MYPN: variants seen among roughly 807,000 people sequenced by gnomAD.
MYPN encodes sarcomeric protein myopalladin, 145 kDa (MYOP).
In MYPN, 63 loss-of-function variants were observed where a neutral mutation model predicts 129.4. The ratio of observed to expected loss-of-function variants is 0.49; its 90% CI spans 0.40 to 0.60. MYPN has a LOEUF of 0.60. Among genes scored for constraint, MYPN ranks in the 20% least tolerant of loss-of-function variants. MYPN has a pLI of 0.00. For missense variants in MYPN, 1,596 were observed against 1,635.4 expected (o/e 0.98, Z 0.42); for synonymous variants, 629 against 600.9 (o/e 1.05, Z -0.68).
chr10:68,122,199 C>A lies in MYPN; in HGVS notation c.761C>A (p.Ser254Tyr). 1 of 1,609,080 alleles carries A rather than the reference C, an allele frequency of 6.2e-7. No individual in the cohort carries two copies. Among genetic ancestry groups the A allele is most frequent in the Non-Finnish European group, 8.5e-7 (1 of 1,177,392 alleles). The change falls in exon 2 of 20, where the codon TCT becomes TAT. Residue 254 changes from serine (S) to tyrosine (Y), a missense_variant. Coordinates refer to ENST00000358913, the MANE Select transcript of MYPN (RefSeq NM_032578.4). ...GCTGGTGGAGACACTACACCAGGGT[C>A]TTCCCCTTCATCTCTGTACTATGAA... ...EAAGGDTTPG[S>Y]SPSSLYYEEP...
At chr10:68,110,764 T>A (rs1431932452) in intron 1 of MYPN, among the ~76,000 whole-genome samples, 2 of 152,192 alleles carry the variant, frequency 1.3e-5, no homozygotes, top group African/African-American at 4.8e-5. Context: ...ATAAACATAT[T>A]TTTTAAAACA....
intron 12 of MYPN, among the ~76,000 whole-genome samples, chr10:68,185,897 AT>A (rs1249913711): frequency 6.6e-6 from 1 of 152,244 alleles, no homozygotes; most frequent in Non-Finnish European, 1.5e-5. Context: ...TTGTGAGACC[AT>A]TTAATATATT....
intron 2 of MYPN, chr10:68,135,359 C>A: frequency 5.4e-6 from 2 of 372,684 alleles, no homozygotes; most frequent in Non-Finnish European, 7.4e-6. Context: ...AGTTTACTAA[C>A]TCAGTAGCAG....
intron 13 of MYPN, among the ~76,000 whole-genome samples, chr10:68,193,288 AT>A (rs1355960946): frequency 6.6e-6 from 1 of 152,208 alleles, no homozygotes; most frequent in East Asian, 1.9e-4. Context: ...CCCATCAGGA[AT>A]GAGATCATTA....
At chr10:68,171,976 TTTATC>T (rs544503936) in intron 10 of MYPN, among the ~76,000 whole-genome samples, 3 of 152,220 alleles carry the variant, frequency 2.0e-5, no homozygotes, top group Non-Finnish European at 4.4e-5. Context: ...TGTCTGGCAT[TTTATC>T]TTAAGAATTC....
intron 17 of MYPN, among the ~76,000 whole-genome samples, chr10:68,199,904 C>T (rs544908659): frequency 1.3e-5 from 2 of 152,246 alleles, no homozygotes; most frequent in South Asian, 4.2e-4. Context: ...GGCTCTTTGT[C>T]CTCTGTCTAA....
At chr10:68,175,802 T>C (rs2043219031) in intron 12 of MYPN, among the ~76,000 whole-genome samples, 1 of 152,226 alleles carries the variant, frequency 6.6e-6, no homozygotes, top group African/African-American at 2.4e-5. Flanking sequence ...TCACCCAGGC[T>C]GGGGTGCAGT....
At chr10:68,206,081 G>A (rs2043810597) in intron 18 of MYPN, among the ~76,000 whole-genome samples, 1 of 152,170 alleles carries the variant, frequency 6.6e-6, no homozygotes, top group Non-Finnish European at 1.5e-5. Flanking sequence ...GGAAGTATGA[G>A]TGATAAGAGG....
chr10:68,136,259 G>T (rs1437652417), intron 2 of MYPN: 5 of 987,472 alleles, frequency 5.1e-6, no homozygotes, highest in Non-Finnish European at 6.0e-6. Context: ...CCTTGTGCGT[G>T]AAAGGTGGGT....
chr10:68,131,833 A>T (rs2042416234), intron 2 of MYPN, among the ~76,000 whole-genome samples: 1 of 152,218 alleles, frequency 6.6e-6, no homozygotes, highest in Non-Finnish European at 1.5e-5. Context: ...GTTAAAAATT[A>T]CTTTCTATGT....
At chr10:68,208,282 T>G (rs1282877666) in intron 19 of MYPN, among the ~76,000 whole-genome samples, 1 of 152,230 alleles carries the variant, frequency 6.6e-6, no homozygotes, top group African/African-American at 2.4e-5. Context: ...CTCTCTGCTA[T>G]TTATGGTTGC....
chr10:68,138,340 G>T (rs541589731), intron 2 of MYPN, among the ~76,000 whole-genome samples: 1 of 151,692 alleles, frequency 6.6e-6, no homozygotes, highest in African/African-American at 2.4e-5. Context: ...GACTTCAAGT[G>T]ATCCACCCGC....
chr10:68,204,153 G>A lies in MYPN; in HGVS notation c.3659+2159G>A, dbSNP rs146529214. On this transcript the variant is annotated intron_variant, in intron 18 of 19. Coordinates refer to ENST00000358913, the MANE Select transcript of MYPN (RefSeq NM_032578.4). ...GTAGTCACAATTGTTAGTACTAATG[G>A]TTTCATTCTCTCTCCCACGACTAGA... Among the ~76,000 whole-genome samples, 60 of 152,254 alleles carry A rather than the reference G, an allele frequency of 3.9e-4. 1 individual carries two copies. In the East Asian group the frequency reaches 7.5e-3, roughly 19 times the overall value.
intron 6 of MYPN, among the ~76,000 whole-genome samples, chr10:68,154,058 A>T (rs2042825129): frequency 6.6e-6 from 1 of 152,216 alleles, no homozygotes; most frequent in Non-Finnish European, 1.5e-5. Flanking sequence ...AAACAGTGGT[A>T]GAATTTGAGA....
chr10:68,115,889 T>A (rs10823139), intron 1 of MYPN, among the ~76,000 whole-genome samples: 54,662 of 152,052 alleles, frequency 0.36, 11,076 homozygotes, highest in East Asian at 0.64. Flanking sequence ...CTTCTACCTC[T>A]GTCAGGAACA....
intron 18 of MYPN, 22 bp from the exon 19 acceptor site, chr10:68,206,748 T>G: frequency 6.2e-7 from 1 of 1,613,996 alleles, no homozygotes; most frequent in Non-Finnish European, 8.5e-7. Flanking sequence ...AAAATATAGG[T>G]ATATTCTCTC....
chr10:68,173,033 A>G (rs996655096), intron 10 of MYPN, among the ~76,000 whole-genome samples: 5 of 152,150 alleles, frequency 3.3e-5, no homozygotes, highest in Non-Finnish European at 5.9e-5. Flanking sequence ...AGATCGCACT[A>G]CTGCACTCCA....
intron 4 of MYPN, 120 bp from the exon 5 acceptor site, chr10:68,148,233 C>T: frequency 1.1e-6 from 1 of 878,632 alleles, no homozygotes; most frequent in Non-Finnish European, 1.8e-6. Context: ...AAAATATCAT[C>T]AAACCAAGAT....
upstream of MYPN, among the ~76,000 whole-genome samples, chr10:68,107,341 CTT>C (rs1217100514): frequency 0.043 from 4,904 of 113,490 alleles, 201 homozygotes; most frequent in African/African-American, 0.13. Context: ...CTTCTCTTTT[CTT>C]TTTTTTTTTT....
Sources: allele counts gnomAD v4.1 joint callset (sites outside exome capture counted in the v4.1 genomes callset), GRCh38; gene constraint gnomAD v4.1.1; transcripts MANE v1.5; gene names NCBI Gene and HGNC (gene_info 2026-07-23, HGNC 2026-07-21).